Variants in ZNF789 observed in about 807,000 individuals in gnomAD.
ZNF789 encodes zinc finger protein 789.
ZNF789 carries 11 observed loss-of-function variants against 15.6 expected under a neutral mutation model. The ratio of observed to expected loss-of-function variants is 0.70; its 90% CI spans 0.44 to 1.16. ZNF789 has a LOEUF of 1.16. ZNF789 is among the 50% of genes most tolerant of loss of function. The probability of loss-of-function intolerance (pLI) is 0.00; values close to 1 mark genes in which losing one functional copy is unlikely to be tolerated. For missense variants in ZNF789, 461 were observed against 512.6 expected (o/e 0.90, Z 0.97); for synonymous variants, 159 against 176.0 (o/e 0.90, Z 0.76).
chr7:99,484,244 G>A, intron 4 of ZNF789, 101 bp downstream of exon 4: 1 of 865,456 alleles, frequency 1.2e-6, no homozygotes, highest in African/African-American at 1.7e-5. Flanking sequence ...CAGGTGCTGG[G>A]CATATATTAT....
At chr7:99,482,420 GTGTGGAAC>G (rs1430487653) in intron 3 of ZNF789, 1 of 590,120 alleles carries the variant, frequency 1.7e-6, no homozygotes, top group African/African-American at 1.9e-5. Flanking sequence ...GTGAGGTCAG[GTGTGGAAC>G]TCTCCACTTT....
intron 2 of ZNF789, chr7:99,478,124 CAA>C (rs1799428787): frequency 2.5e-6 from 1 of 407,032 alleles, no homozygotes. Context: ...TACAGTGAAA[CAA>C]AGTTATTCAA....
intron 4 of ZNF789, chr7:99,485,158 C>G: frequency 6.5e-7 from 1 of 1,533,726 alleles, no homozygotes; most frequent in African/African-American, 1.4e-5. Context: ...ATATTACTCC[C>G]GTATTTCCTG....
At chr7:99,486,428 C>T (rs370316823) in intron 4 of ZNF789, 48 bp from the exon 5 acceptor site, 5 of 1,524,684 alleles carry the variant, frequency 3.3e-6, no homozygotes, top group Admixed American at 4.5e-5. Context: ...TCCTTTTTTT[C>T]TTCTGCAGTG....
intron 4 of ZNF789, 79 bp from the exon 5 acceptor site, chr7:99,486,397 C>T (rs1208853634): frequency 5.4e-6 from 7 of 1,301,280 alleles, no homozygotes; most frequent in Non-Finnish European, 7.4e-6. Flanking sequence ...TTGTCCTAGA[C>T]CCCTAACAGT....
chr7:99,476,594 A>G (rs1304900636), intron 2 of ZNF789, 114 bp downstream of exon 2: 76 of 1,304,500 alleles, frequency 5.8e-5, no homozygotes, highest in Non-Finnish European at 7.6e-5. Context: ...AGACAGTGCA[A>G]TGTAGAGAGC....
rs570158070 is a variant in ZNF789 at position 99,486,212 on chromosome 7, G to A, written c.266-264G>A. On this transcript the variant is annotated intron_variant, in intron 4 of 4. Transcript: ENST00000331410. ...TGGCATCTGTAATCCCAGCTACTCG[G>A]GAGGCTGAGGCAGGGGAATCACTTG... is the stretch of plus-strand genomic sequence containing the variant. 3.3e-5 allele frequency among the ~76,000 whole-genome samples: 5 copies of A among 152,244 alleles called. No individual in the cohort carries two copies. The South Asian group carries it at 1.0e-3, about 32-fold the overall frequency.
rs903024943 is a variant in ZNF789, at chr7:99,472,891, G to A, written c.-220G>A. The A allele has an allele frequency of 2.6e-5, 4 of 152,370 alleles. No homozygotes were observed. The highest frequency in any genetic ancestry group is 7.2e-5 in the African/African-American group (3 of 41,468). 9.4% of individuals were successfully genotyped at this position (152,370 alleles called of 1,614,324 possible). A position where few individuals can be genotyped will look rare whatever the true frequency, so the allele number is the denominator to read the frequency against. On this transcript the variant is annotated 5_prime_UTR_variant, in exon 1 of 5. Coordinates refer to ENST00000331410, the MANE Select transcript of ZNF789 (RefSeq NM_213603.3). ...CGCTCGGCGCGCGCAGGTGGAGCCA[G>A]CGAGAGGCTCTGAGGCTGCCAGAGT...
At chr7:99,482,975 A>G (rs1453234633) in intron 3 of ZNF789, among the ~76,000 whole-genome samples, 1 of 152,174 alleles carries the variant, frequency 6.6e-6, no homozygotes, top group Non-Finnish European at 1.5e-5. Flanking sequence ...TCACGCCTGT[A>G]ATCCCAGCAC....
Position 99,487,309 on chromosome 7 carries a change from G to A in ZNF789, c.1099G>A (p.Glu367Lys). 1.9e-6 allele frequency: 3 copies of A among 1,614,234 alleles called. No homozygotes were observed. The highest frequency in any genetic ancestry group is 4.5e-5 in the East Asian group (2 of 44,884). ...GCATCAAAGAATCCATACAAAGGAG[G>A]AATTCTTTCAATGTGGAGAATGTGG... The part of the protein sequence containing the change: ...IQHQRIHTKE[E>K]FFQCGECGKT... The change falls in exon 5 of 5, where the codon GAA (glutamate) becomes AAA (lysine). Residue 367 changes from glutamate to lysine, a missense_variant. Glu to Lys is a moderately conservative substitution (Grantham distance 56). Coordinates refer to ENST00000331410, the MANE Select transcript of ZNF789 (RefSeq NM_213603.3).
At chr7:99,477,356 T>C (rs1799390206) in intron 2 of ZNF789, among the ~76,000 whole-genome samples, 1 of 151,778 alleles carries the variant, frequency 6.6e-6, no homozygotes, top group South Asian at 2.1e-4. Flanking sequence ...TTTGTCTTTT[T>C]TTAGACGGAG....
chr7:99,485,302 G>A, intron 4 of ZNF789: 1 of 1,277,826 alleles, frequency 7.8e-7, no homozygotes. Context: ...GGCATGTCCT[G>A]TGCATTTTAG....
intron 4 of ZNF789, chr7:99,485,085 T>A: frequency 8.1e-7 from 1 of 1,231,652 alleles, no homozygotes; most frequent in Admixed American, 2.4e-5. Context: ...GCCCCTTGAT[T>A]CCACCCTCAT....
chr7:99,477,121 C>T (rs898787177), intron 2 of ZNF789, among the ~76,000 whole-genome samples: 7 of 151,876 alleles, frequency 4.6e-5, no homozygotes, highest in African/African-American at 1.7e-4. Flanking sequence ...CAGCTCACTG[C>T]ATCCTCTGCC....
At chr7:99,483,748 A>C (rs556285385) in intron 3 of ZNF789, 26 of 781,078 alleles carry the variant, frequency 3.3e-5, no homozygotes, top group Middle Eastern at 2.3e-4. Context: ...GTTTATTTCC[A>C]GTTTGATGCT....
chr7:99,478,531 G>A, intron 2 of ZNF789: 2 of 433,366 alleles, frequency 4.6e-6, no homozygotes, highest in South Asian at 3.5e-5. Flanking sequence ...TTATAGGACA[G>A]CGAACGTTTG....
chr7:99,483,566 G>C, intron 3 of ZNF789: 1 of 619,576 alleles, frequency 1.6e-6, no homozygotes, highest in Admixed American at 2.3e-5. Context: ...GGGAGGCAGA[G>C]GTTGCAGTGC....
chr7:99,483,226 C>T (rs748951605), intron 3 of ZNF789, among the ~76,000 whole-genome samples: 12 of 151,414 alleles, frequency 7.9e-5, no homozygotes, highest in South Asian at 2.1e-4. Context: ...AGTGAAACTC[C>T]GTCTCAAAAA....
chr7:99,483,986 G>C, intron 3 of ZNF789, 44 bp from the exon 4 acceptor site: 1 of 1,538,528 alleles, frequency 6.5e-7, no homozygotes, highest in Non-Finnish European at 9.0e-7. Context: ...CCATGTCTCT[G>C]TAACTCACTA....
Sources: allele counts gnomAD v4.1 joint callset (sites outside exome capture counted in the v4.1 genomes callset), GRCh38; gene constraint gnomAD v4.1.1; transcripts MANE v1.5; gene names NCBI Gene and HGNC (gene_info 2026-07-23, HGNC 2026-07-21).